RPS6KA3: variants seen among roughly 807,000 people sequenced by gnomAD.
RPS6KA3 encodes ribosomal protein S6 kinase A3.
In RPS6KA3, 4 loss-of-function variants were observed where a neutral mutation model predicts 67.2. That is an observed-to-expected ratio of 0.06 (90% CI 0.03 to 0.14). The LOEUF (loss-of-function observed/expected upper bound fraction) is 0.14. Ranked by LOEUF, RPS6KA3 falls within the 10% of genes least tolerant of loss-of-function variation. The pLI is 1.00. For missense variants in RPS6KA3, 204 were observed against 559.0 expected (o/e 0.36, Z 6.40); for synonymous variants, 182 against 183.7 (o/e 0.99, Z 0.07).
intron 1 of RPS6KA3, among the ~76,000 whole-genome samples, chrX:20,255,252 A>G (rs192148200): frequency 9.8e-4 from 110 of 111,883 alleles, no homozygotes; most frequent in African/African-American, 3.4e-3. Flanking sequence ...GTAGGATTCC[A>G]TTAATATGAA....
rs937465543 is a variant in RPS6KA3, at chrX:20,249,942, T to G, written c.70-15128A>C. 4.5e-5 allele frequency among the ~76,000 whole-genome samples: 5 copies of G among 112,263 alleles called. No homozygotes were observed. The Admixed American group carries it at 4.7e-4, about 11-fold the overall frequency. Reference sequence around the variant, plus strand: ...AATTAACTTTTACACAGTACGAGATTTGGGTTGAGACTTATTGTTTTACCT... The same window carrying G: ...AATTAACTTTTACACAGTACGAGATGTGGGTTGAGACTTATTGTTTTACCT... On this transcript the variant is annotated intron_variant, in intron 1 of 21. Transcript: ENST00000379565.
intron 2 of RPS6KA3, among the ~76,000 whole-genome samples, chrX:20,212,781 A>G (rs186480358): frequency 4.5e-5 from 5 of 111,412 alleles, no homozygotes; most frequent in African/African-American, 1.6e-4. Context: ...TCCCTTCAGT[A>G]TAACAACCAC....
chrX:20,206,672 G>T (rs1453781028), intron 3 of RPS6KA3, among the ~76,000 whole-genome samples: 1 of 112,176 alleles, frequency 8.9e-6, no homozygotes, highest in African/African-American at 3.2e-5. Context: ...CTGCAATTGT[G>T]GCAAGTGCCA....
At chrX:20,189,126 AT>A (rs926850081) in intron 7 of RPS6KA3, among the ~76,000 whole-genome samples, 1 of 106,101 alleles carries the variant, frequency 9.4e-6, no homozygotes, top group Non-Finnish European at 2.0e-5. Context: ...TTGTTTCCTT[AT>A]TTTTTTTTTC....
chrX:20,164,677 G>A lies in RPS6KA3; in HGVS notation c.1764+222C>T, dbSNP rs4075126. Among the ~76,000 whole-genome samples, 22,762 of 110,736 alleles carry A rather than the reference G, an allele frequency of 0.21. 2,378 individuals carry two copies. Among genetic ancestry groups the A allele is most frequent in the Middle Eastern group, 0.35 (74 of 213 alleles). On this transcript the variant is annotated intron_variant, in intron 18 of 21. Transcript: ENST00000379565. ...TCGGATTACAGGCATGAGCCACCAT[G>A]CCCTGCCTCAAGGGCTTTTATAATA...
At chrX:20,183,906 TAC>T (rs766013137) in intron 10 of RPS6KA3, among the ~76,000 whole-genome samples, 1 of 112,424 alleles carries the variant, frequency 8.9e-6, no homozygotes, top group African/African-American at 3.2e-5. Flanking sequence ...AAGTGTAAAA[TAC>T]ACATTGAATT....
At chrX:20,218,859 G>T in intron 2 of RPS6KA3, 4 of 1,191,901 alleles carry the variant, frequency 3.4e-6, no homozygotes, top group Non-Finnish European at 4.5e-6. Flanking sequence ...CCATGATGGT[G>T]ATAAAAGAAT....
At chrX:20,193,402 G>C in intron 7 of RPS6KA3, 85 bp downstream of exon 7, 2 of 553,399 alleles carry the variant, frequency 3.6e-6, no homozygotes, top group East Asian at 7.2e-5. Flanking sequence ...CAATACTGTG[G>C]GAGTTTCATG....
At chrX:20,189,786 C>A (rs2068078005) in intron 7 of RPS6KA3, among the ~76,000 whole-genome samples, 1 of 112,199 alleles carries the variant, frequency 8.9e-6, no homozygotes, top group Admixed American at 9.5e-5. Context: ...GCAAGTCAAA[C>A]TTTGTTATAA....
intron 10 of RPS6KA3, among the ~76,000 whole-genome samples, chrX:20,178,481 GTTTT>G (rs59662504): frequency 1.2e-5 from 1 of 84,439 alleles, no homozygotes. Flanking sequence ...AAACAAATCA[GTTTT>G]TTTTTTTTTT....
Position 20,204,931 on chromosome X carries a change from AAAAC to A in RPS6KA3, c.244-832_244-829del, listed in dbSNP as rs752958561. ...AACAACAACAACAAAATGAAAAGCA[AAAAC>A]AAACAAACAAACAAACAAAACTTAC... On this transcript the variant is annotated intron_variant, in intron 3 of 21. Transcript: ENST00000379565. Among the ~76,000 whole-genome samples the A allele has an allele frequency of 4.2e-3, 468 of 111,616 alleles. 1 individual carries two copies. The highest frequency in any genetic ancestry group is 9.2e-3 in the Middle Eastern group (2 of 218).
In RPS6KA3 at chrX:20,188,767, A is replaced by T. The variant is rs187172496; in HGVS notation, c.594-233T>A. Among the ~76,000 whole-genome samples the T allele has an allele frequency of 1.7e-3, 196 of 112,664 alleles. 2 individuals carry two copies. The highest frequency in any genetic ancestry group is 0.015 in the Admixed American group (155 of 10,647). ...TATTAATATGCCAGGGGCACTTGAA[A>T]ATTATTAGGAAAAGAATCAAATCAC... On this transcript the variant is annotated intron_variant, in intron 7 of 21. Transcript: ENST00000379565.
chrX:20,172,084 G>A (rs1266911513), intron 15 of RPS6KA3, among the ~76,000 whole-genome samples: 1 of 111,864 alleles, frequency 8.9e-6, no homozygotes, highest in Admixed American at 9.5e-5. Context: ...TTATAAACCA[G>A]TCCTAAGGTT....
At chrX:20,247,835 CAAAGGA>C (rs748835725) in intron 1 of RPS6KA3, among the ~76,000 whole-genome samples, 7 of 103,965 alleles carry the variant, frequency 6.7e-5, no homozygotes, top group African/African-American at 2.4e-4. Flanking sequence ...TTATTCAAAA[CAAAGGA>C]AAAGTTACCC....
chrX:20,253,981 G>A (rs1202092824), intron 1 of RPS6KA3, among the ~76,000 whole-genome samples: 1 of 111,281 alleles, frequency 9.0e-6, no homozygotes, highest in Non-Finnish European at 1.9e-5. Context: ...ATTAATCCAA[G>A]GCAAAACTTA....
At chrX:20,160,198 T>C (rs952585775) in intron 20 of RPS6KA3, among the ~76,000 whole-genome samples, 1 of 112,067 alleles carries the variant, frequency 8.9e-6, no homozygotes, top group African/African-American at 3.2e-5. Context: ...TTACAGCACA[T>C]GTGACACTGC....
chrX:20,262,050 A>ACACGC (rs773532944), intron 1 of RPS6KA3, among the ~76,000 whole-genome samples: 2 of 112,104 alleles, frequency 1.8e-5, no homozygotes, highest in Non-Finnish European at 3.8e-5. Flanking sequence ...GAGCACTATC[A>ACACGC]CACGCAGGCA....
intron 10 of RPS6KA3, among the ~76,000 whole-genome samples, chrX:20,180,769 C>T (rs1040116181): frequency 8.9e-6 from 1 of 112,369 alleles, no homozygotes. Context: ...TGGGGAGACT[C>T]TAGCCTTACC....
At chrX:20,182,252 T>C (rs749887717) in intron 10 of RPS6KA3, among the ~76,000 whole-genome samples, 1 of 112,016 alleles carries the variant, frequency 8.9e-6, no homozygotes, top group South Asian at 3.7e-4. Context: ...CCCTAAAAAC[T>C]ATGCTTTAGT....
Sources: gnomAD v4.1 joint callset for allele counts (sites outside exome capture counted in the v4.1 genomes callset) on GRCh38, gnomAD v4.1.1 for gene constraint, MANE v1.5 for transcripts, NCBI Gene and HGNC (gene_info 2026-07-23, HGNC 2026-07-21) for gene names.